The following PRMT2 variants were observed in gnomAD, a reference collection of about 807,000 sequenced individuals.
The protein encoded by PRMT2 is protein arginine methyltransferase 2.
PRMT2 carries 26 observed loss-of-function variants against 57.6 expected under a neutral mutation model. That is an observed-to-expected ratio of 0.45 (90% CI 0.33 to 0.63). PRMT2 has a LOEUF of 0.63. Among genes scored for constraint, PRMT2 ranks in the 20% least tolerant of loss-of-function variants. PRMT2 has a pLI of 0.02. For synonymous variants in PRMT2, 219 were observed against 220.0 expected, an observed-to-expected ratio of 1.00 and a Z score of 0.04; for missense variants, 472 against 564.4, an observed-to-expected ratio of 0.84 and a Z score of 1.66.
chr21:46,653,182 C>T lies in PRMT2; in HGVS notation c.654+3443C>T, dbSNP rs951912455. 6 of 985,178 alleles carry T rather than the reference C, an allele frequency of 6.1e-6. No individual in the cohort carries two copies. The South Asian group carries it at 1.9e-4, about 31-fold the overall frequency. 61.0% of individuals were successfully genotyped at this position (985,178 alleles called of 1,614,324 possible). ...TGACGAATTTTCTAAGCAAAAGAAA[C>T]AAAGTAACTGCTGAGGTTAACAAAG... On this transcript the variant is annotated intron_variant, in intron 7 of 11. Transcript: ENST00000355680.
chr21:46,644,200 T>G, intron 4 of PRMT2, 106 bp from the exon 5 acceptor site: 2 of 1,180,132 alleles, frequency 1.7e-6, no homozygotes, highest in Non-Finnish European at 2.4e-6. Flanking sequence ...TGACTCCTGT[T>G]TGAAATCTCT....
chr21:46,651,617 C>A (rs1020539847), intron 7 of PRMT2, among the ~76,000 whole-genome samples: 1 of 151,924 alleles, frequency 6.6e-6, no homozygotes, highest in African/African-American at 2.4e-5. Flanking sequence ...CAGACTCCCC[C>A]CCAGGGAGAC....
rs767936520 is a variant in PRMT2 at position 46,637,022 on chromosome 21, G to A, written c.39+32G>A. On this transcript the variant is annotated intron_variant, in intron 3 of 11. Coordinates refer to ENST00000355680, the MANE Select transcript of PRMT2 (RefSeq NM_206962.4). ...TCCGTTCCACTTCCTAAAAATCTGT[G>A]TTTAATGAATGTGAGCATTACAGAG... 5 of 1,609,760 alleles carry A rather than the reference G, an allele frequency of 3.1e-6. No individual in the cohort carries two copies. In the African/African-American group the frequency reaches 4.0e-5, roughly 13 times the overall value.
chr21:46,664,375 T>C lies in PRMT2; in HGVS notation c.*48T>C. The C allele has an allele frequency of 6.2e-7, 1 of 1,613,492 alleles. No individual in the cohort carries two copies. The highest frequency in any genetic ancestry group is 8.5e-7 in the Non-Finnish European group (1 of 1,179,568). On this transcript the variant is annotated 3_prime_UTR_variant, in exon 12 of 12. Transcript: ENST00000355680. The stretch of plus-strand genomic sequence containing the variant: ...GCAGTGTGCATATCTTGAGGGGTGA[T>C]GAACACAAGCAAACCAAGTTGCACC...
intron 8 of PRMT2, chr21:46,659,209 G>A: frequency 8.7e-7 from 1 of 1,151,410 alleles, no homozygotes. Flanking sequence ...AATTATTCTG[G>A]AGCAGTTGAT....
chr21:46,663,699 C>T (rs1004943584), intron 11 of PRMT2, 145 bp downstream of exon 11: 15 of 830,384 alleles, frequency 1.8e-5, no homozygotes, highest in Admixed American at 8.7e-5. Context: ...ACACAGAAAG[C>T]GCCTGTTGTC....
At chr21:46,637,387 CAT>C (rs1446736152) in intron 3 of PRMT2, among the ~76,000 whole-genome samples, 3 of 152,272 alleles carry the variant, frequency 2.0e-5, no homozygotes, top group Non-Finnish European at 4.4e-5. Context: ...CTGGGGTACT[CAT>C]GTAGTTTCGT....
intron 9 of PRMT2, 38 bp from the exon 10 acceptor site, chr21:46,661,762 G>T (rs1190962469): frequency 7.7e-7 from 1 of 1,303,098 alleles, no homozygotes; most frequent in South Asian, 2.2e-5. Context: ...GCGGTGCCAC[G>T]CGGTGCCCAC....
intron 5 of PRMT2, among the ~76,000 whole-genome samples, chr21:46,646,576 G>A (rs905738550): frequency 1.3e-5 from 2 of 152,180 alleles, no homozygotes; most frequent in African/African-American, 2.4e-5. Context: ...GCTGCAGAGC[G>A]TTGTGTTACT....
intron 7 of PRMT2, chr21:46,657,567 T>G (rs1434338948): frequency 6.6e-6 from 1 of 152,166 alleles, no homozygotes; most frequent in African/African-American, 2.4e-5. Context: ...TGAAAGGTTA[T>G]GTACTGTTTG....
At chr21:46,662,602 C>T (rs957705117) in intron 10 of PRMT2, among the ~76,000 whole-genome samples, 10 of 152,158 alleles carry the variant, frequency 6.6e-5, no homozygotes, top group African/African-American at 2.4e-4. Context: ...TTATACCCAT[C>T]CCCGAGTCTG....
chr21:46,654,241 T>A, intron 7 of PRMT2: 2 of 503,040 alleles, frequency 4.0e-6, no homozygotes, highest in Non-Finnish European at 5.1e-6. Flanking sequence ...AACAGAATTG[T>A]AGCAATACAT....
At chr21:46,663,957 G>T (rs917399719) in intron 11 of PRMT2, among the ~76,000 whole-genome samples, 1 of 152,174 alleles carries the variant, frequency 6.6e-6, no homozygotes, top group Non-Finnish European at 1.5e-5. Flanking sequence ...CGTCTGTGAT[G>T]CGTGTTCTGA....
At chr21:46,637,509 G>C (rs137961734) in intron 3 of PRMT2, among the ~76,000 whole-genome samples, 1 of 152,092 alleles carries the variant, frequency 6.6e-6, no homozygotes, top group Non-Finnish European at 1.5e-5. Flanking sequence ...TTCCGTATCT[G>C]TTATGTCAAT....
chr21:46,638,097 C>T (rs1462731563), intron 3 of PRMT2, among the ~76,000 whole-genome samples: 2 of 152,158 alleles, frequency 1.3e-5, no homozygotes, highest in African/African-American at 2.4e-5. Flanking sequence ...CATTTTTATA[C>T]CTCTATGGCT....
intron 7 of PRMT2, chr21:46,653,717 A>G: frequency 1.1e-5 from 14 of 1,252,530 alleles, no homozygotes; most frequent in Non-Finnish European, 1.1e-5. Flanking sequence ...GCCCACACGC[A>G]CACACACAAA....
chr21:46,661,793 G>C lies in PRMT2; in HGVS notation c.961-7G>C. The C allele has an allele frequency of 7.2e-7, 1 of 1,394,052 alleles. No individual in the cohort carries two copies. The highest frequency in any genetic ancestry group is 9.4e-7 in the Non-Finnish European group (1 of 1,062,112). 86.4% of individuals were successfully genotyped at this position (1,394,052 alleles called of 1,614,324 possible). ...CCCACGCGTGCCTTGTCATCTGCTT[G>C]ACCCAGACCCTGAGGGGCGAGCTGC... On this transcript the variant is annotated splice_region_variant and splice_polypyrimidine_tract_variant and intron_variant, in intron 9 of 11. Transcript: ENST00000355680.
chr21:46,653,570 C>T, intron 7 of PRMT2: 1 of 1,048,088 alleles, frequency 9.5e-7, no homozygotes, highest in South Asian at 2.9e-5. Flanking sequence ...CGCCTGGCTT[C>T]CCAGTGGGAC....
chr21:46,661,225 AAT>A, intron 9 of PRMT2: 1 of 307,988 alleles, frequency 3.2e-6, no homozygotes. Context: ...ATTTATGTTT[AAT>A]ATTCTCAGCA....
Sources: allele counts gnomAD v4.1 joint callset (sites outside exome capture counted in the v4.1 genomes callset), GRCh38; gene constraint gnomAD v4.1.1; transcripts MANE v1.5; gene names NCBI Gene and HGNC (gene_info 2026-07-23, HGNC 2026-07-21).